Variants in BTBD7 observed in about 807,000 individuals in gnomAD.
BTBD7 encodes BTB/POZ domain-containing protein 7.
A neutral mutation model predicts 99.9 loss-of-function variants in BTBD7; 38 were observed. The ratio of observed to expected loss-of-function variants is 0.38; its 90% CI spans 0.29 to 0.50. The LOEUF (loss-of-function observed/expected upper bound fraction) is 0.50, where lower values mean the gene tolerates loss of function less well. Among genes scored for constraint, BTBD7 ranks in the 20% least tolerant of loss-of-function variants. The pLI is 0.93. For synonymous variants in BTBD7, 520 were observed against 511.4 expected (o/e 1.02, Z -0.23); for missense variants, 1,170 against 1,394.6 (o/e 0.84, Z 2.57).
chr14:93,289,141 C>G (rs973626086), intron 3 of BTBD7, among the ~76,000 whole-genome samples: 5 of 152,218 alleles, frequency 3.3e-5, no homozygotes, highest in Admixed American at 3.3e-4. Context: ...ACAAATGGAC[C>G]ACTGGGACAA....
intron 10 of BTBD7, chr14:93,244,031 C>A: frequency 2.8e-6 from 1 of 351,118 alleles, no homozygotes; most frequent in Non-Finnish European, 5.5e-6. Context: ...TCCTAAAACC[C>A]ATCGGACTTT....
chr14:93,262,811 A>G (rs1447054662), intron 4 of BTBD7, among the ~76,000 whole-genome samples: 3 of 151,872 alleles, frequency 2.0e-5, no homozygotes, highest in Non-Finnish European at 4.4e-5. Context: ...CTTTCTAAGA[A>G]GGAATGCAAA....
At chr14:93,330,534 T>C (rs1247184347) in intron 1 of BTBD7, among the ~76,000 whole-genome samples, 1 of 152,244 alleles carries the variant, frequency 6.6e-6, no homozygotes, top group Non-Finnish European at 1.5e-5. Flanking sequence ...TAGAACTCAC[T>C]AGATTGTCTT....
intron 1 of BTBD7, among the ~76,000 whole-genome samples, chr14:93,329,611 C>CTTAA (rs1484678816): frequency 7.5e-4 from 114 of 152,144 alleles, no homozygotes; most frequent in Non-Finnish European, 1.5e-4. Context: ...ATTATTCAGC[C>CTTAA]TTAAAAAGAA....
intron 1 of BTBD7, among the ~76,000 whole-genome samples, chr14:93,321,545 A>T (rs902743413): frequency 5.3e-5 from 8 of 152,230 alleles, no homozygotes; most frequent in African/African-American, 1.9e-4. Flanking sequence ...GTGAGCTGAG[A>T]TCGCGCCATG....
At chr14:93,331,889 C>CA (rs1555394532) in intron 1 of BTBD7, among the ~76,000 whole-genome samples, 85 of 140,296 alleles carry the variant, frequency 6.1e-4, no homozygotes, top group African/African-American at 2.2e-3. Context: ...TCCCCCCCCC[C>CA]AAAAAGGTTG....
At chr14:93,282,774 TC>T (rs2052735717) in intron 3 of BTBD7, among the ~76,000 whole-genome samples, 1 of 152,178 alleles carries the variant, frequency 6.6e-6, no homozygotes. Flanking sequence ...AGTCCTATCT[TC>T]CTTATACCAA....
At chr14:93,321,136 A>G (rs943236435) in intron 1 of BTBD7, among the ~76,000 whole-genome samples, 3 of 152,222 alleles carry the variant, frequency 2.0e-5, no homozygotes, top group African/African-American at 7.2e-5. Flanking sequence ...ACATTACTGC[A>G]TTTACTGACA....
At chr14:93,313,607 G>A (rs894256016) in intron 1 of BTBD7, among the ~76,000 whole-genome samples, 7 of 151,864 alleles carry the variant, frequency 4.6e-5, no homozygotes, top group Non-Finnish European at 1.0e-4. Flanking sequence ...AATGAGTTGA[G>A]TATGGTTCTT....
chr14:93,294,683 C>G lies in BTBD7; in HGVS notation c.337G>C (p.Glu113Gln). The G allele has an allele frequency of 6.2e-7, 1 of 1,614,118 alleles. No homozygotes were observed. Among genetic ancestry groups the G allele is most frequent in the Non-Finnish European group, 8.5e-7 (1 of 1,180,032 alleles). Reference sequence around the variant, plus strand: ...GCCAAACTGGCTTGTAGAGAAAGCTCCTTTAATGCTGATGTTCCCTCATAT... The same window carrying G: ...GCCAAACTGGCTTGTAGAGAAAGCTGCTTTAATGCTGATGTTCCCTCATAT... ...EEYEGTSALK[E>Q]LSLQASLARP... The change falls in exon 3 of 11, where the codon GAG becomes CAG. Residue 113 changes from glutamate (E) to glutamine (Q), a missense_variant. Coordinates refer to ENST00000334746, the MANE Select transcript of BTBD7 (RefSeq NM_001002860.4).
Position 93,286,723 on chromosome 14 carries a change from G to A in BTBD7, c.1162+7135C>T, listed in dbSNP as rs74568315. Reference sequence around the variant, plus strand: ...ACAGCTTCGTGACTTCCAAACCTGGGAAAAGGCTAGTTAATAATCTCTGAG... The same window carrying A: ...ACAGCTTCGTGACTTCCAAACCTGGAAAAAGGCTAGTTAATAATCTCTGAG... On this transcript the variant is annotated intron_variant, in intron 3 of 10. Transcript: ENST00000334746. Among the ~76,000 whole-genome samples, 512 of 152,258 alleles carry A rather than the reference G, an allele frequency of 3.4e-3. 4 individuals carry two copies. The highest frequency in any genetic ancestry group is 0.012 in the African/African-American group (497 of 41,526).
At chr14:93,283,941 C>A (rs969747846) in intron 3 of BTBD7, among the ~76,000 whole-genome samples, 1 of 152,128 alleles carries the variant, frequency 6.6e-6, no homozygotes, top group Non-Finnish European at 1.5e-5. Flanking sequence ...TTAAAATTTT[C>A]TTTTCCCTTA....
chr14:93,303,107 C>G lies in BTBD7; in HGVS notation c.-106-6950G>C, dbSNP rs910548237. ...GGAACAAAGCACAGAGTAGTAAGAGCAAAGCAGCACCATTATACTTCTGTT... is the reference window on the plus strand; with the variant it reads ...GGAACAAAGCACAGAGTAGTAAGAGGAAAGCAGCACCATTATACTTCTGTT... On this transcript the variant is annotated intron_variant, in intron 1 of 10. Coordinates refer to ENST00000334746, the MANE Select transcript of BTBD7 (RefSeq NM_001002860.4). 5.3e-5 allele frequency among the ~76,000 whole-genome samples: 8 copies of G among 152,290 alleles called. No homozygotes were observed. The South Asian group carries it at 8.3e-4, about 16-fold the overall frequency.
At chr14:93,277,643 T>A (rs908751488) in intron 3 of BTBD7, among the ~76,000 whole-genome samples, 5 of 152,222 alleles carry the variant, frequency 3.3e-5, no homozygotes, top group African/African-American at 1.2e-4. Flanking sequence ...CAGGATTAAA[T>A]AATATACATA....
chr14:93,299,644 T>A lies in BTBD7; in HGVS notation c.-106-3487A>T, dbSNP rs969014349. 3.0e-5 allele frequency among the ~76,000 whole-genome samples: 4 copies of A among 135,232 alleles called. 1 individual carries two copies. Among genetic ancestry groups the A allele is most frequent in the Admixed American group, 8.7e-5 (1 of 11,454 alleles). 88.7% of individuals were successfully genotyped at this position (135,232 alleles called of 152,430 possible). On this transcript the variant is annotated intron_variant, in intron 1 of 10. Coordinates refer to ENST00000334746, the MANE Select transcript of BTBD7 (RefSeq NM_001002860.4). ...CTTAAACTAAAATAAGCTCCAGTGA[T>A]CACGGCAGACCTAACTGTGGGGTGG...
intron 1 of BTBD7, among the ~76,000 whole-genome samples, chr14:93,325,452 T>C (rs957224398): frequency 7.9e-5 from 12 of 152,058 alleles, no homozygotes; most frequent in Admixed American, 7.2e-4. Context: ...ATAATTGTCA[T>C]AGTAATATAG....
intron 8 of BTBD7, among the ~76,000 whole-genome samples, chr14:93,249,540 C>T (rs771956050): frequency 6.6e-6 from 1 of 152,176 alleles, no homozygotes; most frequent in Non-Finnish European, 1.5e-5. Flanking sequence ...CTGATGTTAA[C>T]GTAAAATGGG....
chr14:93,288,838 CCA>C (rs2052812102), intron 3 of BTBD7: 1 of 1,330,262 alleles, frequency 7.5e-7, no homozygotes, highest in African/African-American at 1.5e-5. Context: ...TTCCAGGACT[CCA>C]GTTTCTTCTT....
At chr14:93,306,408 A>C (rs1055465150) in intron 1 of BTBD7, among the ~76,000 whole-genome samples, 1 of 151,334 alleles carries the variant, frequency 6.6e-6, no homozygotes, top group Non-Finnish European at 1.5e-5. Flanking sequence ...GTTCCAGACT[A>C]GCCTGGGCAA....
Sources: allele counts gnomAD v4.1 joint callset (sites outside exome capture counted in the v4.1 genomes callset), GRCh38; gene constraint gnomAD v4.1.1; transcripts MANE v1.5; gene names NCBI Gene and HGNC (gene_info 2026-07-23, HGNC 2026-07-21).